Variants in SIPA1L1 observed in about 807,000 individuals in gnomAD.
The protein encoded by SIPA1L1 is signal-induced proliferation-associated 1-like protein 1.
Under a neutral mutation model 162.7 loss-of-function variants are expected in SIPA1L1, and 26 were observed. The ratio of observed to expected loss-of-function variants is 0.16; its 90% CI spans 0.12 to 0.22. The LOEUF is 0.22. Ranked by LOEUF, SIPA1L1 falls within the 10% of genes least tolerant of loss-of-function variation. The pLI is 1.00. For synonymous variants in SIPA1L1, 829 were observed against 837.4 expected (o/e 0.99, Z 0.17); for missense variants, 1,874 against 2,241.0 (o/e 0.84, Z 3.31).
chr14:71,562,219 G>GA lies in SIPA1L1; in HGVS notation c.-302-25344dup, dbSNP rs545292319. 6.1e-4 allele frequency among the ~76,000 whole-genome samples: 93 copies of GA among 151,308 alleles called. 1 individual carries two copies. Among genetic ancestry groups the GA allele is most frequent in the African/African-American group, 2.1e-3 (86 of 41,306 alleles). On this transcript the variant is annotated intron_variant, in intron 4 of 23. Transcript: ENST00000381232. ...AACAAGTATCATATCTATGACATCAGAAAAAAAATGATACTTTTGTTTATT... is the reference window on the plus strand; with the variant it reads ...AACAAGTATCATATCTATGACATCAGAAAAAAAAATGATACTTTTGTTTATT...
At chr14:71,656,843 G>C (rs2043099140) in intron 8 of SIPA1L1, among the ~76,000 whole-genome samples, 1 of 152,228 alleles carries the variant, frequency 6.6e-6, no homozygotes, top group Admixed American at 6.5e-5. Context: ...CTACCTGGGA[G>C]TGTCTGTGAA....
chr14:71,487,944 TG>T, intron 2 of SIPA1L1, among the ~76,000 whole-genome samples: 1 of 152,336 alleles, frequency 6.6e-6, no homozygotes, highest in Middle Eastern at 3.4e-3. Context: ...TCCAGGGAAC[TG>T]GGGGAGACAG....
chr14:71,429,231 T>C (rs1271212191), intron 2 of SIPA1L1, among the ~76,000 whole-genome samples: 1 of 152,202 alleles, frequency 6.6e-6, no homozygotes, highest in Non-Finnish European at 1.5e-5. Context: ...AGTCCATTTA[T>C]AAGGTTTGAG....
In SIPA1L1 at chr14:71,589,341, A is replaced by G; in HGVS notation, c.1469A>G (p.Tyr490Cys). The change falls in exon 5 of 24, where the codon TAC becomes TGC. Residue 490 changes from tyrosine (Y) to cysteine (C), a missense_variant. By Grantham distance (194) the Tyr-to-Cys change is radical. Transcript: ENST00000381232. ...YIVEHVDLGA[Y>C]YYRKFFYQKE... ...GTGGAACACGTAGATCTGGGTGCAT[A>G]CTATTATAGAAAATTTTTCTACCAG... The G allele has an allele frequency of 6.2e-7, 1 of 1,607,964 alleles. No individual in the cohort carries two copies. Among genetic ancestry groups the G allele is most frequent in the Non-Finnish European group, 8.5e-7 (1 of 1,175,318 alleles).
At position 71,683,943 on chromosome 14, in the gene SIPA1L1, T is replaced by C. The variant is rs61036065; in HGVS notation, c.3105-1419T>C. Among the ~76,000 whole-genome samples the C allele has an allele frequency of 5.3e-3, 809 of 152,190 alleles. 8 individuals are homozygous for C. The highest frequency in any genetic ancestry group is 0.018 in the African/African-American group (760 of 41,522). On this transcript the variant is annotated intron_variant, in intron 12 of 23. Coordinates refer to ENST00000381232, the MANE Select transcript of SIPA1L1 (RefSeq NM_001386936.1). ...GATGCACATCTGTGTGTATATATGG[T>C]GGTGCTGTGTCCCAGTGTGAAATGT...
At chr14:71,382,046 T>C (rs1272179977) in intron 2 of SIPA1L1, among the ~76,000 whole-genome samples, 1 of 152,188 alleles carries the variant, frequency 6.6e-6, no homozygotes, top group Non-Finnish European at 1.5e-5. Flanking sequence ...ATTCCTTGAG[T>C]GTGCTTAAAT....
intron 10 of SIPA1L1, 44 bp downstream of exon 10, chr14:71,661,511 G>A (rs1012556913): frequency 6.3e-7 from 1 of 1,588,122 alleles, no homozygotes; most frequent in African/African-American, 1.3e-5. Context: ...ATGTTGGCTG[G>A]TTATCGCATA....
chr14:71,408,366 A>G (rs1485812610), intron 2 of SIPA1L1, among the ~76,000 whole-genome samples: 2 of 152,184 alleles, frequency 1.3e-5, no homozygotes, highest in African/African-American at 4.8e-5. Context: ...TGGGCTAAGC[A>G]GTTTATAGTT....
At chr14:71,726,288 C>G (rs1597249110) in intron 19 of SIPA1L1, among the ~76,000 whole-genome samples, 1 of 152,228 alleles carries the variant, frequency 6.6e-6, no homozygotes, top group African/African-American at 2.4e-5. Context: ...GTTTCCTTAG[C>G]AACCTTGCGA....
chr14:71,485,153 A>G (rs1270285003), intron 2 of SIPA1L1, among the ~76,000 whole-genome samples: 1 of 152,256 alleles, frequency 6.6e-6, no homozygotes. Flanking sequence ...GTAAGTTGCC[A>G]TAAAGCAGCT....
rs1243979222 is a variant in SIPA1L1 at position 71,512,589 on chromosome 14, A to G, written c.-464-154A>G. ...CGACAGAGCGAGACTCTGTCTCAAA[A>G]AAAAAAAAAAAAAAGGTTCTTTGCC... On this transcript the variant is annotated intron_variant, in intron 2 of 23. Coordinates refer to ENST00000381232, the MANE Select transcript of SIPA1L1 (RefSeq NM_001386936.1). Among the ~76,000 whole-genome samples, 15 of 148,180 alleles carry G rather than the reference A, an allele frequency of 1.0e-4. No homozygotes were observed. The East Asian group carries it at 2.6e-3, about 26-fold the overall frequency.
At chr14:71,362,510 G>A (rs1023977454) in intron 2 of SIPA1L1, among the ~76,000 whole-genome samples, 5 of 152,108 alleles carry the variant, frequency 3.3e-5, no homozygotes, top group Admixed American at 1.3e-4. Flanking sequence ...AACCACCCAC[G>A]TTTTCCATTT....
At chr14:71,406,377 T>C (rs1452787991) in intron 2 of SIPA1L1, among the ~76,000 whole-genome samples, 1 of 152,196 alleles carries the variant, frequency 6.6e-6, no homozygotes, top group Non-Finnish European at 1.5e-5. Context: ...TCTCTGTCTT[T>C]GCAGAAATTT....
At chr14:71,467,863 A>AAC (rs1398933887) in intron 2 of SIPA1L1, among the ~76,000 whole-genome samples, 1 of 151,792 alleles carries the variant, frequency 6.6e-6, no homozygotes, top group East Asian at 1.9e-4. Context: ...AAAAAAAAAA[A>AAC]AAAAAAGAAA....
At chr14:71,534,732 T>G (rs533472661) in intron 4 of SIPA1L1, among the ~76,000 whole-genome samples, 3 of 152,324 alleles carry the variant, frequency 2.0e-5, no homozygotes, top group East Asian at 3.9e-4. Context: ...CCTCCCTAAA[T>G]TTGATGGTAT....
chr14:71,558,771 A>G (rs1046319977), intron 4 of SIPA1L1, among the ~76,000 whole-genome samples: 1 of 151,658 alleles, frequency 6.6e-6, no homozygotes, highest in Non-Finnish European at 1.5e-5. Flanking sequence ...ATATACTCAA[A>G]CCTCCAGGGT....
chr14:71,329,253 AT>A (rs1022059061), intron 2 of SIPA1L1, among the ~76,000 whole-genome samples: 1 of 152,060 alleles, frequency 6.6e-6, no homozygotes, highest in African/African-American at 2.4e-5. Flanking sequence ...GCTTTTAATT[AT>A]TTTGTGTATA....
At chr14:71,326,681 G>T (rs1181441024) in intron 2 of SIPA1L1, among the ~76,000 whole-genome samples, 1 of 142,710 alleles carries the variant, frequency 7.0e-6, no homozygotes, top group East Asian at 2.1e-4. Context: ...TCTTCATATT[G>T]TAAATTATTT....
At chr14:71,648,679 G>T (rs2042374951) in intron 7 of SIPA1L1, among the ~76,000 whole-genome samples, 1 of 152,174 alleles carries the variant, frequency 6.6e-6, no homozygotes, top group African/African-American at 2.4e-5. Flanking sequence ...ACACAAAGAT[G>T]AATAAATTAA....
Sources: allele counts gnomAD v4.1 joint callset (sites outside exome capture counted in the v4.1 genomes callset), GRCh38; gene constraint gnomAD v4.1.1; transcripts MANE v1.5; gene names NCBI Gene and HGNC (gene_info 2026-07-23, HGNC 2026-07-21).